CDH4: variants seen among roughly 807,000 people sequenced by gnomAD.
The protein encoded by CDH4 is cadherin 4, also known as cadherin-4.
A neutral mutation model predicts 86.0 loss-of-function variants in CDH4; 33 were observed. The observed-to-expected ratio is 0.38, with a 90% CI of 0.29 to 0.51. The LOEUF is 0.51. CDH4 is among the 20% of genes least tolerant of loss of function. The pLI is 0.86. For synonymous variants in CDH4, 555 were observed against 549.4 expected (o/e 1.01, Z -0.14); for missense variants, 1,114 against 1,307.4 (o/e 0.85, Z 2.28).
intron 2 of CDH4, among the ~76,000 whole-genome samples, chr20:61,659,954 G>A (rs1027655458): frequency 6.6e-6 from 1 of 152,118 alleles, no homozygotes; most frequent in Non-Finnish European, 1.5e-5. Flanking sequence ...GCCTGTCTCT[G>A]TTCCTGAGTT....
At chr20:61,476,410 G>A (rs949305790) in intron 2 of CDH4, among the ~76,000 whole-genome samples, 2 of 152,176 alleles carry the variant, frequency 1.3e-5, no homozygotes, top group African/African-American at 4.8e-5. Flanking sequence ...CTGAACATGT[G>A]TGGTCTGAAC....
Position 61,873,608 on chromosome 20 carries a change from G to A in CDH4, c.878-120G>A. ...ACCTCTGAACACGCCGAGAGGAAGG[G>A]GGTTCCGCTACGCCAGACTCACGGA... On this transcript the variant is annotated intron_variant, in intron 6 of 15. Coordinates refer to ENST00000614565, the MANE Select transcript of CDH4 (RefSeq NM_001794.5). The A allele has an allele frequency of 3.9e-6, 4 of 1,019,058 alleles. No homozygotes were observed. The South Asian group carries it at 6.1e-5, about 15-fold the overall frequency. 63.1% of individuals were successfully genotyped at this position (1,019,058 alleles called of 1,614,324 possible). A position where few individuals can be genotyped will look rare whatever the true frequency, so the allele number is the denominator to read the frequency against.
chr20:61,254,742 T>C, intron 1 of CDH4, 84 bp from the exon 2 acceptor site: 1 of 915,810 alleles, frequency 1.1e-6, no homozygotes, highest in Non-Finnish European at 1.8e-6. Flanking sequence ...CAGAGACCTT[T>C]TACACAGCAG....
At chr20:61,768,723 C>G (rs1215130634) in intron 3 of CDH4, among the ~76,000 whole-genome samples, 1 of 152,140 alleles carries the variant, frequency 6.6e-6, no homozygotes, top group Non-Finnish European at 1.5e-5. Flanking sequence ...TCCAGGGAAG[C>G]GGGCGCATCT....
chr20:61,634,499 C>T (rs1051497885), intron 2 of CDH4, among the ~76,000 whole-genome samples: 2 of 152,198 alleles, frequency 1.3e-5, no homozygotes, highest in Non-Finnish European at 1.5e-5. Flanking sequence ...GCAACAATCC[C>T]AGAGGCTGCG....
intron 3 of CDH4, among the ~76,000 whole-genome samples, chr20:61,771,379 T>C (rs1331099902): frequency 6.6e-6 from 1 of 151,664 alleles, no homozygotes; most frequent in Non-Finnish European, 1.5e-5. Flanking sequence ...ATCCCAGCAC[T>C]TTGGAAGGCC....
At position 61,314,839 on chromosome 20, in the gene CDH4, A is replaced by T. The variant is rs11905779; in HGVS notation, c.169+59902A>T. Among the ~76,000 whole-genome samples, 1,030 of 152,308 alleles carry T rather than the reference A, an allele frequency of 6.8e-3. 11 individuals are homozygous for T. The highest frequency in any genetic ancestry group is 0.023 in the African/African-American group (968 of 41,554). The stretch of plus-strand genomic sequence containing the variant: ...TAGCCGTCCTAACAAGTGTGCGATG[A>T]CAGCGCATTGTGGTTTGAATTTGCA... On this transcript the variant is annotated intron_variant, in intron 2 of 15. Coordinates refer to ENST00000614565, the MANE Select transcript of CDH4 (RefSeq NM_001794.5).
rs939013890 is a variant in CDH4 at position 61,658,179 on chromosome 20, G to T, written c.170-85384G>T. ...CTTCCAGATCTCTCTATTAGAGAGG[G>T]TTCAAATGCATCTGCAACCCCCGAG... On this transcript the variant is annotated intron_variant, in intron 2 of 15. Transcript: ENST00000614565. Among the ~76,000 whole-genome samples the T allele has an allele frequency of 3.9e-5, 6 of 152,174 alleles. No homozygotes were observed. In the East Asian group the frequency reaches 1.2e-3, roughly 29 times the overall value.
At chr20:61,575,042 G>A (rs7263235) in intron 2 of CDH4, among the ~76,000 whole-genome samples, 16,460 of 152,230 alleles carry the variant, frequency 0.11, 1,993 homozygotes, top group African/African-American at 0.3. Context: ...TCGGGGTTTT[G>A]TTAATGAGGT....
chr20:61,839,242 G>T (rs935102344), intron 4 of CDH4, among the ~76,000 whole-genome samples: 9 of 152,198 alleles, frequency 5.9e-5, no homozygotes, highest in African/African-American at 2.2e-4. Context: ...ATGCAGAATG[G>T]CCGCCCCTTT....
chr20:61,894,948 T>C lies in CDH4; in HGVS notation c.1089T>C (p.Asp363=), dbSNP rs1568872308. The C allele has an allele frequency of 6.2e-7, 1 of 1,613,912 alleles. No individual in the cohort carries two copies. The highest frequency in any genetic ancestry group is 8.5e-7 in the Non-Finnish European group (1 of 1,179,974). ...QQYTVIVQAT[D]MEGNLNYGLS... ...ACACAGTCATCGTTCAGGCCACAGA[T>C]ATGGAAGGAAATCTCAACTATGGCC... The change falls in exon 8 of 16, where the codon GAT becomes GAC. Residue 363 remains aspartate (D), a synonymous_variant. Transcript: ENST00000614565.
rs968866401 is a variant in CDH4, at chr20:61,398,565, G to T, written c.169+143628G>T. On this transcript the variant is annotated intron_variant, in intron 2 of 15. Transcript: ENST00000614565. ...CCCTTCGAGTCCCAGGGAGTCTCCC[G>T]GCGAAATTCCCTCCTCTTCTAGGGA... Among the ~76,000 whole-genome samples the T allele has an allele frequency of 3.3e-5, 5 of 152,264 alleles. No homozygotes were observed. The South Asian group carries it at 1.0e-3, about 32-fold the overall frequency.
At chr20:61,465,547 G>T (rs891904227) in intron 2 of CDH4, among the ~76,000 whole-genome samples, 5 of 152,192 alleles carry the variant, frequency 3.3e-5, no homozygotes, top group Non-Finnish European at 5.9e-5. Flanking sequence ...TCTGTAAATT[G>T]TATGGATGTA....
intron 4 of CDH4, among the ~76,000 whole-genome samples, chr20:61,787,661 A>G (rs1205971770): frequency 6.6e-6 from 1 of 152,240 alleles, no homozygotes; most frequent in Non-Finnish European, 1.5e-5. Flanking sequence ...TTATGATCAA[A>G]GACAGGGATA....
intron 2 of CDH4, among the ~76,000 whole-genome samples, chr20:61,648,632 C>T (rs1032380802): frequency 2.0e-5 from 3 of 152,172 alleles, no homozygotes; most frequent in Non-Finnish European, 4.4e-5. Context: ...ACCATCAGAA[C>T]CACTGCAGGG....
intron 2 of CDH4, among the ~76,000 whole-genome samples, chr20:61,472,973 A>G (rs1307781465): frequency 2.6e-5 from 4 of 152,142 alleles, no homozygotes; most frequent in East Asian, 1.9e-4. Context: ...AAGTTGGTGG[A>G]CTATACCCAA....
rs375732097 is a variant in CDH4, at chr20:61,928,350, C to T, written c.1932C>T (p.Ile644=). Residue 644 remains isoleucine, a synonymous_variant, in exon 12 of 16, where the codon ATC becomes ATT. Transcript: ENST00000614565. ...CCGACGCTGACGTCGACCCCAACAT[C>T]GGCCCCTACGTCTTCGAGCTGCCCT... is the stretch of plus-strand genomic sequence containing the variant. ...TAADADVDPN[I]GPYVFELPFV... The T allele has an allele frequency of 6.2e-6, 10 of 1,611,402 alleles. No individual in the cohort carries two copies. Among genetic ancestry groups the T allele is most frequent in the African/African-American group, 2.7e-5 (2 of 74,954 alleles).
At chr20:61,382,133 T>C (rs8121037) in intron 2 of CDH4, among the ~76,000 whole-genome samples, 37,423 of 152,056 alleles carry the variant, frequency 0.25, 4,988 homozygotes, top group African/African-American at 0.34. Flanking sequence ...GCAGAAATGT[T>C]TAATGGAAAG....
chr20:61,502,326 T>C (rs2085709234), intron 2 of CDH4, among the ~76,000 whole-genome samples: 2 of 152,170 alleles, frequency 1.3e-5, no homozygotes, highest in Non-Finnish European at 2.9e-5. Context: ...TTCCTGAGTG[T>C]AGCTTGGAAG....
Sources: gnomAD v4.1 joint callset for allele counts (sites outside exome capture counted in the v4.1 genomes callset) on GRCh38, gnomAD v4.1.1 for gene constraint, MANE v1.5 for transcripts, NCBI Gene and HGNC (gene_info 2026-07-23, HGNC 2026-07-21) for gene names.